ADAMTSL1: variants seen among roughly 807,000 people sequenced by gnomAD.
The protein encoded by ADAMTSL1 is ADAMTS like 1, also known as ADAMTS-like protein 1.
A neutral mutation model predicts 201.8 loss-of-function variants in ADAMTSL1; 126 were observed. The observed-to-expected ratio is 0.62, with a 90% CI of 0.54 to 0.72. The LOEUF (loss-of-function observed/expected upper bound fraction) is 0.72. ADAMTSL1 is among the 30% of genes least tolerant of loss of function. The pLI is 0.00. For synonymous variants in ADAMTSL1, 1,121 were observed against 903.4 expected, an observed-to-expected ratio of 1.24 and a Z score of -4.32; for missense variants, 2,679 against 2,277.8, an observed-to-expected ratio of 1.18 and a Z score of -3.59.
At chr9:18,402,563 C>T (rs1376160328) in intron 2 of ADAMTSL1, among the ~76,000 whole-genome samples, 1 of 152,126 alleles carries the variant, frequency 6.6e-6, no homozygotes, top group African/African-American at 2.4e-5. Flanking sequence ...CCTAGGGCTC[C>T]TAGGGTGAAG....
chr9:18,614,329 T>C (rs1353411474), intron 4 of ADAMTSL1, among the ~76,000 whole-genome samples: 4 of 152,150 alleles, frequency 2.6e-5, no homozygotes, highest in African/African-American at 7.2e-5. Context: ...TGGTATCTTA[T>C]AGACTAGAGA....
At chr9:17,984,461 A>C (rs1458398666) in intron 1 of ADAMTSL1, among the ~76,000 whole-genome samples, 1 of 152,014 alleles carries the variant, frequency 6.6e-6, no homozygotes, top group African/African-American at 2.4e-5. Flanking sequence ...TGTCTTATAA[A>C]TTTTAACTGT....
chr9:18,690,070 T>C (rs1020342981), intron 13 of ADAMTSL1, among the ~76,000 whole-genome samples: 1 of 152,176 alleles, frequency 6.6e-6, no homozygotes, highest in Non-Finnish European at 1.5e-5. Flanking sequence ...TGGCATCAGC[T>C]TAGCAATGGG....
At chr9:18,125,124 AAG>A (rs1488845614) in intron 1 of ADAMTSL1, among the ~76,000 whole-genome samples, 1 of 152,208 alleles carries the variant, frequency 6.6e-6, no homozygotes, top group African/African-American at 2.4e-5. Context: ...TTACAAGAGA[AAG>A]AGGTTTAACT....
intron 9 of ADAMTSL1, among the ~76,000 whole-genome samples, chr9:18,672,799 G>T (rs747667695): frequency 4.1e-4 from 62 of 152,162 alleles, no homozygotes; most frequent in Non-Finnish European, 2.4e-4. Flanking sequence ...GGACAATTCA[G>T]TAAGACATGT....
intron 1 of ADAMTSL1, among the ~76,000 whole-genome samples, chr9:18,146,098 C>T (rs1587153484): frequency 6.6e-6 from 1 of 152,166 alleles, no homozygotes; most frequent in African/African-American, 2.4e-5. Context: ...GAGAAGGATA[C>T]AAAGCAACAC....
At chr9:18,261,992 G>GA (rs1290223785) in intron 2 of ADAMTSL1, among the ~76,000 whole-genome samples, 1 of 152,110 alleles carries the variant, frequency 6.6e-6, no homozygotes, top group Non-Finnish European at 1.5e-5. Flanking sequence ...TTTCCCATCT[G>GA]ACTTAAAACA....
chr9:18,010,527 T>C (rs929132072), intron 1 of ADAMTSL1, among the ~76,000 whole-genome samples: 3 of 152,006 alleles, frequency 2.0e-5, no homozygotes, highest in African/African-American at 7.2e-5. Context: ...AATTGTGAAC[T>C]AGAGTGAGTA....
upstream of ADAMTSL1, chr9:18,473,941 T>TC: frequency 2.5e-6 from 1 of 396,620 alleles, no homozygotes; most frequent in Middle Eastern, 6.4e-4. Flanking sequence ...TTCGTCCTTT[T>TC]CCCCCTTTTT....
intron 23 of ADAMTSL1, among the ~76,000 whole-genome samples, chr9:18,831,447 T>A (rs950910914): frequency 3.3e-5 from 5 of 152,250 alleles, no homozygotes; most frequent in African/African-American, 1.2e-4. Context: ...TCAAGTTCAG[T>A]AACTCTTTTG....
chr9:18,024,823 G>C (rs1029163810), intron 1 of ADAMTSL1, among the ~76,000 whole-genome samples: 2 of 152,092 alleles, frequency 1.3e-5, no homozygotes, highest in Admixed American at 6.6e-5. Flanking sequence ...TCTATTTTTA[G>C]TTCTTTGAGA....
chr9:18,788,165 C>G (rs1292061868), intron 19 of ADAMTSL1, among the ~76,000 whole-genome samples: 2 of 152,162 alleles, frequency 1.3e-5, no homozygotes, highest in Non-Finnish European at 2.9e-5. Flanking sequence ...TCATGAACCT[C>G]AAATCTGTTG....
chr9:18,883,975 T>A (rs1828699701), intron 23 of ADAMTSL1, among the ~76,000 whole-genome samples: 1 of 152,144 alleles, frequency 6.6e-6, no homozygotes, highest in African/African-American at 2.4e-5. Context: ...TATATTTAAT[T>A]TTTTGAGGGG....
chr9:18,064,015 A>G (rs1822583046), intron 1 of ADAMTSL1, among the ~76,000 whole-genome samples: 1 of 152,052 alleles, frequency 6.6e-6, no homozygotes, highest in African/African-American at 2.4e-5. Flanking sequence ...CACCATGCAT[A>G]TTTTTATGAA....
intron 23 of ADAMTSL1, among the ~76,000 whole-genome samples, chr9:18,835,469 G>C (rs1378564566): frequency 6.6e-6 from 1 of 151,970 alleles, no homozygotes; most frequent in African/African-American, 2.4e-5. Flanking sequence ...TTTTGATTTT[G>C]ATGAGGCTCA....
intron 16 of ADAMTSL1, among the ~76,000 whole-genome samples, chr9:18,757,234 A>C (rs957575728): frequency 5.3e-5 from 8 of 152,120 alleles, no homozygotes. Context: ...ACAGCTTTTG[A>C]ACACTTATTT....
intron 1 of ADAMTSL1, among the ~76,000 whole-genome samples, chr9:17,914,116 T>C (rs1380096638): frequency 6.6e-6 from 1 of 152,204 alleles, no homozygotes; most frequent in Non-Finnish European, 1.5e-5. Context: ...GTACCATTCC[T>C]TCTGAAACTA....
At chr9:17,935,371 C>T (rs1005234845) in intron 1 of ADAMTSL1, among the ~76,000 whole-genome samples, 2 of 152,170 alleles carry the variant, frequency 1.3e-5, no homozygotes, top group East Asian at 1.9e-4. Context: ...TACTTTCACT[C>T]AGTATCACAG....
chr9:18,049,509 C>G (rs932639714), intron 1 of ADAMTSL1, among the ~76,000 whole-genome samples: 83 of 152,162 alleles, frequency 5.5e-4, no homozygotes, highest in African/African-American at 1.9e-3. Context: ...CATCTTATAA[C>G]CATGTGAGGA....
Sources: gnomAD v4.1 joint callset for allele counts (sites outside exome capture counted in the v4.1 genomes callset) on GRCh38, gnomAD v4.1.1 for gene constraint, MANE v1.5 for transcripts, NCBI Gene and HGNC (gene_info 2026-07-23, HGNC 2026-07-21) for gene names.